Variants in PPARGC1A observed in about 807,000 individuals in gnomAD.
PPARGC1A encodes peroxisome proliferator-activated receptor gamma coactivator 1-alpha.
Under a neutral mutation model 88.7 loss-of-function variants are expected in PPARGC1A, and 25 were observed. The observed-to-expected ratio is 0.28, with a 90% CI of 0.21 to 0.39. The LOEUF is 0.39. Among genes scored for constraint, PPARGC1A ranks in the 10% least tolerant of loss-of-function variants. PPARGC1A has a pLI of 1.00. For missense variants in PPARGC1A, 880 were observed against 968.7 expected (o/e 0.91, Z 1.22); for synonymous variants, 363 against 355.6 (o/e 1.02, Z -0.24).
chr4:23,944,583 A>G, the PPARGC1A span, among the ~76,000 whole-genome samples: 2 of 152,154 alleles, frequency 1.3e-5, no homozygotes, highest in Non-Finnish European at 1.5e-5. Context: ...CTGTTTCCCT[A>G]CCCAAATTTC....
At chr4:24,258,392 A>G in the PPARGC1A span, among the ~76,000 whole-genome samples, 1 of 152,176 alleles carries the variant, frequency 6.6e-6, no homozygotes, top group Non-Finnish European at 1.5e-5. Context: ...AAGAATTACC[A>G]TTTTGGCCTT....
At chr4:23,900,275 G>A (rs1719175245), upstream of PPARGC1A, among the ~76,000 whole-genome samples, 1 of 152,082 alleles carries the variant, frequency 6.6e-6, no homozygotes, top group Non-Finnish European at 1.5e-5. Context: ...TTTCTTCTTG[G>A]TTCAAAACTC....
the PPARGC1A span, among the ~76,000 whole-genome samples, chr4:24,194,595 C>T: frequency 3.3e-5 from 5 of 151,368 alleles, no homozygotes; most frequent in Non-Finnish European, 7.4e-5. Flanking sequence ...AGATCAGACA[C>T]CAGTGGGCTG....
the PPARGC1A span, among the ~76,000 whole-genome samples, chr4:24,113,081 G>A: frequency 2.6e-5 from 4 of 152,106 alleles, no homozygotes; most frequent in African/African-American, 9.7e-5. Flanking sequence ...TGAACTTCCA[G>A]GTACACACTT....
At chr4:24,386,149 T>G in the PPARGC1A span, among the ~76,000 whole-genome samples, 1 of 152,292 alleles carries the variant, frequency 6.6e-6, no homozygotes, top group South Asian at 2.1e-4. Flanking sequence ...ACCACATGAT[T>G]ATCTCAATAG....
At chr4:24,031,087 T>C in the PPARGC1A span, among the ~76,000 whole-genome samples, 4 of 152,068 alleles carry the variant, frequency 2.6e-5, no homozygotes, top group Non-Finnish European at 4.4e-5. Flanking sequence ...AAACCTCACA[T>C]TGACAAGCAG....
the PPARGC1A span, among the ~76,000 whole-genome samples, chr4:24,437,870 T>C: frequency 2.0e-5 from 3 of 152,044 alleles, no homozygotes; most frequent in South Asian, 2.1e-4. Context: ...AGAGAAGGGG[T>C]TTCACCATGT....
the PPARGC1A span, among the ~76,000 whole-genome samples, chr4:24,322,560 G>T: frequency 3.9e-5 from 6 of 152,202 alleles, no homozygotes; most frequent in African/African-American, 1.4e-4. Flanking sequence ...TGTGTGCAGG[G>T]ATGATGTTAA....
chr4:24,285,025 C>CA, the PPARGC1A span, among the ~76,000 whole-genome samples: 8,231 of 150,820 alleles, frequency 0.055, 737 homozygotes, highest in African/African-American at 0.19. Flanking sequence ...GAGACTGTCT[C>CA]AAAAAAAAGT....
chr4:24,176,713 A>G, the PPARGC1A span, among the ~76,000 whole-genome samples: 47 of 152,084 alleles, frequency 3.1e-4, 1 homozygote, highest in South Asian at 8.1e-3. Context: ...TAACCCCAGA[A>G]TAATAATAAT....
intron 2 of PPARGC1A, among the ~76,000 whole-genome samples, chr4:23,840,298 T>C (rs1329734480): frequency 1.3e-5 from 2 of 152,060 alleles, no homozygotes; most frequent in Non-Finnish European, 2.9e-5. Flanking sequence ...GAATGTATGG[T>C]GGCCCTACAC....
the PPARGC1A span, among the ~76,000 whole-genome samples, chr4:24,069,638 A>G: frequency 6.6e-6 from 1 of 152,220 alleles, no homozygotes; most frequent in Non-Finnish European, 1.5e-5. Context: ...AGCCACTGCT[A>G]AAAGCATAGG....
upstream of PPARGC1A, chr4:23,890,084 C>T: frequency 6.9e-7 from 1 of 1,445,730 alleles, no homozygotes; most frequent in Non-Finnish European, 9.1e-7. Flanking sequence ...ACTACAGTCC[C>T]CAGTCACATG....
chr4:24,471,944 G>A, the PPARGC1A span, among the ~76,000 whole-genome samples: 8 of 152,214 alleles, frequency 5.3e-5, no homozygotes, highest in Non-Finnish European at 2.9e-5. The surrounding 1 kb of genome is among the most constrained non-coding windows in gnomAD (Gnocchi z 5.4). Context: ...GTCGCGGGGG[G>A]CTTGCGGCTC....
At chr4:24,284,534 C>G in the PPARGC1A span, among the ~76,000 whole-genome samples, 2 of 152,092 alleles carry the variant, frequency 1.3e-5, no homozygotes, top group African/African-American at 4.8e-5. Context: ...TTCAAAGGGG[C>G]AGTACAGTGT....
intron 2 of PPARGC1A, among the ~76,000 whole-genome samples, chr4:23,867,425 T>G (rs1188489735): frequency 1.3e-5 from 2 of 152,252 alleles, no homozygotes; most frequent in Non-Finnish European, 2.9e-5. Context: ...AATCAGTCTC[T>G]GCATTAGAGC....
the PPARGC1A span, among the ~76,000 whole-genome samples, chr4:23,990,034 A>G: frequency 6.8e-6 from 1 of 146,970 alleles, no homozygotes; most frequent in Non-Finnish European, 1.5e-5. Flanking sequence ...ATGTATATCT[A>G]TATATCCCTA....
chr4:24,100,456 G>A, the PPARGC1A span, among the ~76,000 whole-genome samples: 2 of 152,250 alleles, frequency 1.3e-5, no homozygotes, highest in East Asian at 3.9e-4. Context: ...AGGTGCAAAT[G>A]GCAGGACTCC....
chr4:24,290,550 T>C, the PPARGC1A span, among the ~76,000 whole-genome samples: 3 of 152,154 alleles, frequency 2.0e-5, no homozygotes, highest in Non-Finnish European at 2.9e-5. Context: ...CCAAATAAAG[T>C]GCTGAACACG....
Sources: gnomAD v4.1 joint callset for allele counts (sites outside exome capture counted in the v4.1 genomes callset) on GRCh38, gnomAD v4.1.1 for gene constraint, Gnocchi (gnomAD v3.1) non-coding constraint, MANE v1.5 for transcripts, NCBI Gene and HGNC (gene_info 2026-07-23, HGNC 2026-07-21) for gene names.